EFR3A: variants seen among roughly 807,000 people sequenced by gnomAD.
EFR3A encodes protein EFR3 homolog A.
Under a neutral mutation model 104.4 loss-of-function variants are expected in EFR3A, and 76 were observed. That is an observed-to-expected ratio of 0.73 (90% confidence interval 0.60 to 0.88). The LOEUF (loss-of-function observed/expected upper bound fraction) is 0.88, where lower values mean the gene tolerates loss of function less well. EFR3A is among the 40% of genes least tolerant of loss of function. EFR3A has a pLI of 0.00. For missense variants in EFR3A, 985 were observed against 1,012.5 expected (o/e 0.97, Z 0.37); for synonymous variants, 330 against 330.0 (o/e 1.00, Z 0.00).
chr8:131,982,687 A>C (rs1820675591), intron 14 of EFR3A, among the ~76,000 whole-genome samples: 1 of 152,160 alleles, frequency 6.6e-6, no homozygotes, highest in Non-Finnish European at 1.5e-5. Context: ...AAGGAACTTG[A>C]AGTCTAAATT....
intron 9 of EFR3A, among the ~76,000 whole-genome samples, chr8:131,969,549 T>A (rs1470696402): frequency 1.3e-5 from 2 of 151,822 alleles, no homozygotes; most frequent in South Asian, 2.1e-4. Context: ...CGTGGGTTTT[T>A]TTTTTCCCCC....
intron 10 of EFR3A, among the ~76,000 whole-genome samples, chr8:131,973,635 T>C (rs1305730515): frequency 6.6e-6 from 1 of 152,222 alleles, no homozygotes; most frequent in East Asian, 1.9e-4. Context: ...CTCAGTATTC[T>C]GGCAGTTGTC....
chr8:131,980,445 T>C (rs1349047221), intron 14 of EFR3A, among the ~76,000 whole-genome samples: 3 of 152,146 alleles, frequency 2.0e-5, no homozygotes, highest in Non-Finnish European at 4.4e-5. Flanking sequence ...CATTAATTCC[T>C]CTCAATTTTT....
intron 4 of EFR3A, among the ~76,000 whole-genome samples, chr8:131,947,064 G>A: frequency 6.6e-6 from 1 of 152,012 alleles, no homozygotes; most frequent in Non-Finnish European, 1.5e-5. Context: ...ATACTTAGTA[G>A]TGTAATTGCT....
chr8:131,915,354 G>A (rs1816696969), intron 1 of EFR3A, among the ~76,000 whole-genome samples: 1 of 152,100 alleles, frequency 6.6e-6, no homozygotes, highest in South Asian at 2.1e-4. Flanking sequence ...TCTTCTTGTA[G>A]TCATTTCAGT....
intron 22 of EFR3A, among the ~76,000 whole-genome samples, chr8:132,010,405 G>GATATATATATATATATATATAT (rs200821953): frequency 4.5e-5 from 4 of 88,010 alleles, no homozygotes; most frequent in Admixed American, 1.2e-4. Flanking sequence ...AATCAAGTAT[G>GATATATATATATATATATATAT]AGATATATAT....
chr8:131,962,079 C>A (rs1280519916), intron 8 of EFR3A, among the ~76,000 whole-genome samples: 2 of 152,308 alleles, frequency 1.3e-5, no homozygotes, highest in South Asian at 2.1e-4. Context: ...TGGAAAGGAA[C>A]AACCGGTACC....
At chr8:131,910,116 CTAGA>C (rs1816442792) in intron 1 of EFR3A, among the ~76,000 whole-genome samples, 1 of 152,172 alleles carries the variant, frequency 6.6e-6, no homozygotes, top group African/African-American at 2.4e-5. Flanking sequence ...CTCAGGATTT[CTAGA>C]TAGATAGTTC....
chr8:131,912,518 C>G lies in EFR3A; in HGVS notation c.10+8196C>G, dbSNP rs112458454. Among the ~76,000 whole-genome samples the G allele has an allele frequency of 1.3e-3, 195 of 152,218 alleles. 2 individuals are homozygous for G. Among genetic ancestry groups the G allele is most frequent in the South Asian group, 2.9e-3 (14 of 4,824 alleles). On this transcript the variant is annotated intron_variant, in intron 1 of 22. Transcript: ENST00000254624. The stretch of plus-strand genomic sequence containing the variant: ...AAGACAGAAGTTTAGATTGGTACAG[C>G]ATTTTTAGAAAGCAATATAGCAATA...
intron 1 of EFR3A, among the ~76,000 whole-genome samples, chr8:131,925,771 G>T (rs1423428104): frequency 6.6e-6 from 1 of 151,930 alleles, no homozygotes; most frequent in Admixed American, 6.6e-5. Flanking sequence ...CTTAAATTGG[G>T]TTTTAGTAGA....
rs1680391823 is a variant in EFR3A at position 131,985,050 on chromosome 8, A to G, written c.1859A>G (p.His620Arg). ...QMIAVPAFCQ[H>R]VSKVIEIRTM... ...ATAGCTGTCCCTGCATTTTGCCAGC[A>G]TGTTAGCAAGGTAATGTATTTAGAA... Residue 620 changes from histidine (H) to arginine (R), a missense_variant, in exon 16 of 23, where the codon CAT becomes CGT. Transcript: ENST00000254624. The G allele has an allele frequency of 1.2e-6, 2 of 1,613,198 alleles. No individual in the cohort carries two copies. The highest frequency in any genetic ancestry group is 1.7e-5 in the Admixed American group (1 of 59,950).
At chr8:132,009,903 A>G (rs1285928008) in intron 22 of EFR3A, among the ~76,000 whole-genome samples, 1 of 152,058 alleles carries the variant, frequency 6.6e-6, no homozygotes, top group Non-Finnish European at 1.5e-5. Context: ...TAAATAATGA[A>G]TTGGAGGAAA....
At chr8:131,931,681 T>A (rs561933825) in intron 1 of EFR3A, among the ~76,000 whole-genome samples, 2 of 152,258 alleles carry the variant, frequency 1.3e-5, no homozygotes, top group South Asian at 4.1e-4. Context: ...TAAATGAGCT[T>A]TCTATAAAAA....
chr8:131,976,525 C>T, intron 11 of EFR3A, among the ~76,000 whole-genome samples: 1 of 152,024 alleles, frequency 6.6e-6, no homozygotes, highest in East Asian at 1.9e-4. Context: ...ATTATGTGAC[C>T]CCCTTATTTT....
chr8:131,959,268 T>C (rs1190774509), intron 7 of EFR3A, among the ~76,000 whole-genome samples: 1 of 152,164 alleles, frequency 6.6e-6, no homozygotes, highest in African/African-American at 2.4e-5. Flanking sequence ...TTCACCCTCT[T>C]TCATTCAGAT....
intron 8 of EFR3A, 70 bp downstream of exon 8, chr8:131,959,733 C>A: frequency 9.6e-7 from 1 of 1,040,888 alleles, no homozygotes; most frequent in South Asian, 1.6e-5. Flanking sequence ...AGCACATTAT[C>A]AAACAGATGT....
At chr8:131,963,805 C>T (rs1379212550) in intron 8 of EFR3A, among the ~76,000 whole-genome samples, 17 of 152,086 alleles carry the variant, frequency 1.1e-4, no homozygotes, top group South Asian at 1.0e-3. Context: ...TGATGAACAT[C>T]GATGCAAAAA....
intron 14 of EFR3A, among the ~76,000 whole-genome samples, chr8:131,981,977 C>G: frequency 6.6e-6 from 1 of 152,054 alleles, no homozygotes; most frequent in East Asian, 1.9e-4. Context: ...TTCACCTAAT[C>G]AAGGAATTAT....
chr8:131,968,791 A>T (rs1819899720), intron 9 of EFR3A, among the ~76,000 whole-genome samples: 2 of 152,192 alleles, frequency 1.3e-5, no homozygotes, highest in Admixed American at 1.3e-4. Context: ...ATCATTTAAA[A>T]AGCCAGGGTT....
Sources: gnomAD v4.1 joint callset for allele counts (sites outside exome capture counted in the v4.1 genomes callset) on GRCh38, gnomAD v4.1.1 for gene constraint, MANE v1.5 for transcripts, NCBI Gene and HGNC (gene_info 2026-07-23, HGNC 2026-07-21) for gene names.